The following TMC1 variants were observed in gnomAD, a reference collection of about 807,000 sequenced individuals.
The protein encoded by TMC1 is transmembrane channel like 1, also known as transmembrane channel-like protein 1.
In TMC1, 84 loss-of-function variants were observed where a neutral mutation model predicts 105.8. The observed-to-expected ratio is 0.79, with a 90% CI of 0.67 to 0.95. The LOEUF (loss-of-function observed/expected upper bound fraction) is 0.95, where lower values mean the gene tolerates loss of function less well. Among genes scored for constraint, TMC1 ranks in the 40% least tolerant of loss-of-function variants. The pLI is 0.00. For missense variants in TMC1, 817 were observed against 914.1 expected, an observed-to-expected ratio of 0.89 and a Z score of 1.37; for synonymous variants, 315 against 311.5, an observed-to-expected ratio of 1.01 and a Z score of -0.12.
intron 3 of TMC1, among the ~76,000 whole-genome samples, chr9:72,620,820 T>C (rs1825235437): frequency 6.6e-6 from 1 of 152,172 alleles, no homozygotes; most frequent in Non-Finnish European, 1.5e-5. Context: ...ATAAAGGCAA[T>C]TGACTATTTT....
intron 3 of TMC1, among the ~76,000 whole-genome samples, chr9:72,626,902 CCATCACATCA>C (rs560658416): frequency 2.6e-5 from 4 of 152,056 alleles, no homozygotes; most frequent in African/African-American, 7.3e-5. Flanking sequence ...ATGCATTAAA[CCATCACATCA>C]CATCACATCA....
At chr9:72,600,333 G>C (rs1824786865) in intron 2 of TMC1, among the ~76,000 whole-genome samples, 1 of 152,158 alleles carries the variant, frequency 6.6e-6, no homozygotes, top group South Asian at 2.1e-4. Context: ...CTTTGTCGCT[G>C]ATTCAGCATA....
At chr9:72,632,633 A>C (rs1825469241) in intron 4 of TMC1, among the ~76,000 whole-genome samples, 1 of 152,240 alleles carries the variant, frequency 6.6e-6, no homozygotes. Context: ...TGAAAGATGT[A>C]ATAGAAGCAA....
intron 4 of TMC1, among the ~76,000 whole-genome samples, chr9:72,637,645 C>G (rs1312567189): frequency 6.6e-6 from 1 of 152,090 alleles, no homozygotes; most frequent in Non-Finnish European, 1.5e-5. Flanking sequence ...CATGGAAGTC[C>G]CACTGTAGTA....
intron 8 of TMC1, among the ~76,000 whole-genome samples, chr9:72,701,717 C>A (rs2117873040): frequency 6.6e-6 from 1 of 152,302 alleles, no homozygotes; most frequent in East Asian, 1.9e-4. Context: ...ATCGCTTAAT[C>A]TCCTGAAGCC....
At chr9:72,791,347 A>T (rs1828263728) in intron 15 of TMC1, among the ~76,000 whole-genome samples, 3 of 152,128 alleles carry the variant, frequency 2.0e-5, no homozygotes, top group Non-Finnish European at 4.4e-5. Flanking sequence ...TCCTTTAATA[A>T]AACTCATTGT....
At chr9:72,691,605 C>A (rs1459791351) in intron 6 of TMC1, among the ~76,000 whole-genome samples, 1 of 152,094 alleles carries the variant, frequency 6.6e-6, no homozygotes, top group East Asian at 1.9e-4. Flanking sequence ...TTTAAGAATT[C>A]ATAATCTCTT....
chr9:72,664,558 G>A (rs1826013365), intron 5 of TMC1, among the ~76,000 whole-genome samples: 1 of 152,160 alleles, frequency 6.6e-6, no homozygotes, highest in African/African-American at 2.4e-5. Context: ...GAAGAGCAGA[G>A]GAGCAGAAGA....
chr9:72,540,700 C>A (rs2132064011), intron 1 of TMC1, among the ~76,000 whole-genome samples: 2 of 152,222 alleles, frequency 1.3e-5, no homozygotes, highest in Non-Finnish European at 2.9e-5. Context: ...TTTGATGCCC[C>A]ACCCTTTGAC....
chr9:72,692,626 G>A (rs1826484718), intron 6 of TMC1, among the ~76,000 whole-genome samples: 1 of 152,108 alleles, frequency 6.6e-6, no homozygotes, highest in Admixed American at 6.5e-5. Context: ...TTATTAGTGG[G>A]TAAATTGTTT....
chr9:72,708,371 A>G (rs1826779324), intron 8 of TMC1, among the ~76,000 whole-genome samples: 4 of 152,196 alleles, frequency 2.6e-5, no homozygotes, highest in Admixed American at 2.6e-4. Context: ...TCATTTTCAC[A>G]ATAGTGATTC....
intron 8 of TMC1, among the ~76,000 whole-genome samples, chr9:72,725,587 T>G (rs1270896389): frequency 6.6e-6 from 1 of 151,594 alleles, no homozygotes; most frequent in Non-Finnish European, 1.5e-5. Flanking sequence ...TCTCTCATTT[T>G]CAGATTTTTC....
chr9:72,594,479 A>G (rs888255030), intron 2 of TMC1, among the ~76,000 whole-genome samples: 2 of 152,220 alleles, frequency 1.3e-5, no homozygotes, highest in African/African-American at 2.4e-5. Context: ...GGCTTACGAC[A>G]GGTAGAAGAG....
At position 72,618,022 on chromosome 9, in the gene TMC1, CTT is replaced by C. The variant is rs34497983; in HGVS notation, c.-196+1568_-196+1569del. Reference sequence around the variant, plus strand: ...AGGAGCGAGACTTCTCTGGGTACATCTTTTTTTTTTTTTTTTTTTTTTTTGAG... The same window carrying C: ...AGGAGCGAGACTTCTCTGGGTACATCTTTTTTTTTTTTTTTTTTTTTTGAG... On this transcript the variant is annotated intron_variant, in intron 3 of 23. Coordinates refer to ENST00000297784, the MANE Select transcript of TMC1 (RefSeq NM_138691.3). 7.1e-3 allele frequency among the ~76,000 whole-genome samples: 560 copies of C among 79,182 alleles called. 3 individuals carry two copies. The highest frequency in any genetic ancestry group is 0.028 in the African/African-American group (529 of 19,126). The allele number at this position is 79,182 out of a possible 152,430, so 51.9% of individuals were successfully genotyped here.
intron 13 of TMC1, among the ~76,000 whole-genome samples, chr9:72,775,129 C>G (rs1373086351): frequency 6.6e-6 from 1 of 152,136 alleles, no homozygotes. Flanking sequence ...CCAGGATTCT[C>G]CTGGTTTTAG....
At chr9:72,613,860 G>T (rs1170140536) in intron 2 of TMC1, among the ~76,000 whole-genome samples, 3 of 152,122 alleles carry the variant, frequency 2.0e-5, no homozygotes, top group Non-Finnish European at 4.4e-5. Flanking sequence ...GAAGGAGGAA[G>T]GATGACAGCT....
intron 7 of TMC1, among the ~76,000 whole-genome samples, chr9:72,695,166 T>C (rs1826528736): frequency 6.6e-6 from 1 of 152,050 alleles, no homozygotes; most frequent in Non-Finnish European, 1.5e-5. Context: ...AAGCAACAAA[T>C]ATGGGACAGA....
chr9:72,718,844 C>T (rs73476895), intron 8 of TMC1, among the ~76,000 whole-genome samples: 2,144 of 152,154 alleles, frequency 0.014, 29 homozygotes, highest in African/African-American at 0.048. Context: ...GGGTTAGGTA[C>T]GAATGACCTC....
intron 8 of TMC1, among the ~76,000 whole-genome samples, chr9:72,730,015 G>A (rs145794076): frequency 2.6e-5 from 4 of 152,210 alleles, no homozygotes; most frequent in South Asian, 2.1e-4. Context: ...TCACCCTCCT[G>A]GCTTATTTGG....
Sources: gnomAD v4.1 joint callset for allele counts (sites outside exome capture counted in the v4.1 genomes callset) on GRCh38, gnomAD v4.1.1 for gene constraint, MANE v1.5 for transcripts, NCBI Gene and HGNC (gene_info 2026-07-23, HGNC 2026-07-21) for gene names.